The following MMP28 variants were observed in gnomAD, a reference collection of about 807,000 sequenced individuals.
The protein encoded by MMP28 is matrix metallopeptidase 28, also known as matrix metalloproteinase-28.
In MMP28, 55 loss-of-function variants were observed where a neutral mutation model predicts 60.5. The ratio of observed to expected loss-of-function variants is 0.91; its 90% CI spans 0.73 to 1.14. The LOEUF (loss-of-function observed/expected upper bound fraction) is 1.14, where lower values mean the gene tolerates loss of function less well. Ranked by LOEUF, MMP28 falls within the 50% of genes most tolerant of loss-of-function variation. MMP28 has a pLI of 0.00. For missense variants in MMP28, 686 were observed against 738.3 expected (o/e 0.93, Z 0.82); for synonymous variants, 318 against 312.5 (o/e 1.02, Z -0.18).
chr17:35,764,673 T>C, downstream of MMP28: 1 of 1,498,448 alleles, frequency 6.7e-7, no homozygotes, highest in Non-Finnish European at 8.9e-7. Context: ...CCAGACCCCC[T>C]ACCGACCTTC....
At position 35,767,028 on chromosome 17, in the gene MMP28, G is replaced by C. The variant is rs574922566; in HGVS notation, c.1169-134C>G. ...TGGTTGGTATTCATATCAATCAAAC[G>C]GATTGCACTACAAATTAGTTATAAA... On this transcript the variant is annotated intron_variant, in intron 7 of 7. Transcript: ENST00000605424. 75 of 830,252 alleles carry C rather than the reference G, an allele frequency of 9.0e-5. No homozygotes were observed. The African/African-American group carries it at 1.1e-3, about 12-fold the overall frequency. The allele number at this position is 830,252 out of a possible 1,614,324, so 51.4% of individuals were successfully genotyped here. A position where few individuals can be genotyped will look rare whatever the true frequency, so the allele number is the denominator to read the frequency against.
downstream of MMP28, among the ~76,000 whole-genome samples, chr17:35,762,929 T>A (rs1370826757): frequency 6.6e-6 from 1 of 152,084 alleles, no homozygotes; most frequent in African/African-American, 2.4e-5. Context: ...GAGACCATCC[T>A]GGCAAACATG....
chr17:35,764,076 G>C (rs1555602102), downstream of MMP28: 1 of 1,550,270 alleles, frequency 6.5e-7, no homozygotes, highest in Non-Finnish European at 8.7e-7. Flanking sequence ...CAAGAGGAAG[G>C]GAAGGAGGGG....
At chr17:35,779,361 C>G in intron 1 of MMP28, 38 bp from the exon 2 acceptor site, 1 of 1,554,708 alleles carries the variant, frequency 6.4e-7, no homozygotes, top group Non-Finnish European at 8.8e-7. Context: ...TCCATAGCAT[C>G]CTTTCCCCTC....
At chr17:35,777,721 A>G (rs904266891) in intron 3 of MMP28, among the ~76,000 whole-genome samples, 3 of 152,272 alleles carry the variant, frequency 2.0e-5, no homozygotes, top group Non-Finnish European at 2.9e-5. Context: ...AGCAGAGAAA[A>G]TTAGACTTAG....
At chr17:35,791,408 C>T (rs1434669639) in intron 1 of MMP28, among the ~76,000 whole-genome samples, 2 of 151,856 alleles carry the variant, frequency 1.3e-5, no homozygotes, top group Non-Finnish European at 2.9e-5. Context: ...CATGGTGGTG[C>T]GTGTCTGTAG....
At chr17:35,793,915 T>C (rs1306134725) in intron 1 of MMP28, among the ~76,000 whole-genome samples, 2 of 152,096 alleles carry the variant, frequency 1.3e-5, no homozygotes, top group African/African-American at 4.8e-5. Flanking sequence ...CTGGCCAATA[T>C]GGTGAAACCC....
intron 1 of MMP28, among the ~76,000 whole-genome samples, chr17:35,786,056 G>GT (rs34123485): frequency 0.026 from 3,506 of 134,156 alleles, 58 homozygotes; most frequent in African/African-American, 0.048. Flanking sequence ...TCACCTTCTT[G>GT]TTTTTTTTTT....
chr17:35,778,933 T>C lies in MMP28; in HGVS notation c.334A>G (p.Arg112Gly), dbSNP rs1340326070. 1.5e-5 allele frequency: 24 copies of C among 1,613,940 alleles called. No homozygotes were observed. The highest frequency in any genetic ancestry group is 2.0e-5 in the Non-Finnish European group (24 of 1,179,902). ...TTACGCCTCATTTTGGTCCGGTGTC[T>C]AGCAAACAAGTCACTGATCCTCTCA... is the stretch of plus-strand genomic sequence containing the variant. ...WAERISDLFA[R>G]HRTKMRRKKR... The change falls in exon 3 of 8, where the codon AGA becomes GGA. Residue 112 changes from arginine (R) to glycine (G), a missense_variant. Transcript: ENST00000605424.
intron 1 of MMP28, among the ~76,000 whole-genome samples, chr17:35,790,097 C>T (rs143776854): frequency 0.061 from 7,277 of 118,494 alleles, 255 homozygotes; most frequent in South Asian, 0.19. Context: ...GACAGAGTCT[C>T]GCTCTGTTGC....
Position 35,766,775 on chromosome 17 carries a change from G to T in MMP28, c.1288C>A (p.Leu430Ile). ...TAGCGGGCACCCTTGAAGAGGATGA[G>T]GCGGCGCAGAGGAGGGAAGAAGAGG... The part of the protein sequence containing the change: ...AALFFPPLRR[L>I]ILFKGARYYV... The change falls in exon 8 of 8, where the codon CTC becomes ATC. Residue 430 changes from leucine to isoleucine, a missense_variant. Coordinates refer to ENST00000605424, the MANE Select transcript of MMP28 (RefSeq NM_024302.5). This position sits in a 1 kb window ranked among gnomAD's most constrained non-coding sequence, Gnocchi z 4.3. The T allele has an allele frequency of 6.3e-7, 1 of 1,576,646 alleles. No individual in the cohort carries two copies. Among genetic ancestry groups the T allele is most frequent in the East Asian group, 2.3e-5 (1 of 42,918 alleles).
downstream of MMP28, chr17:35,764,729 C>T: frequency 8.2e-7 from 1 of 1,222,972 alleles, no homozygotes; most frequent in Non-Finnish European, 1.1e-6. Context: ...GCAGGACCGC[C>T]CCTTCTCAGC....
chr17:35,785,121 C>A (rs1380036430), intron 1 of MMP28, among the ~76,000 whole-genome samples: 1 of 152,150 alleles, frequency 6.6e-6, no homozygotes, highest in Non-Finnish European at 1.5e-5. Context: ...TGGGACCCAG[C>A]CAGCTTGGTG....
chr17:35,791,906 A>T (rs944241598), intron 1 of MMP28, among the ~76,000 whole-genome samples: 7 of 152,118 alleles, frequency 4.6e-5, no homozygotes, highest in African/African-American at 1.7e-4. Flanking sequence ...CCCCTTCAGT[A>T]TAGCTCCCTC....
intron 6 of MMP28, 67 bp downstream of exon 6, chr17:35,768,163 C>A: frequency 6.6e-7 from 1 of 1,512,190 alleles, no homozygotes; most frequent in South Asian, 1.3e-5. Context: ...ACTTGTACTG[C>A]AGCTCTGGAG....
downstream of MMP28, chr17:35,760,951 C>T (rs782367634): frequency 1.9e-6 from 3 of 1,613,496 alleles, no homozygotes; most frequent in South Asian, 3.3e-5. Flanking sequence ...AATGGATAAG[C>T]ATGGTGAGTG....
downstream of MMP28, chr17:35,764,051 G>A (rs1555602077): frequency 1.3e-6 from 2 of 1,549,698 alleles, no homozygotes; most frequent in Admixed American, 2.0e-5. Flanking sequence ...AGAGCTCCGG[G>A]CCGAGGACGC....
chr17:35,767,646 C>T (rs1464641489), intron 7 of MMP28, 106 bp downstream of exon 7: 1 of 1,342,790 alleles, frequency 7.4e-7, no homozygotes, highest in African/African-American at 1.5e-5. Context: ...GAGACTCCAC[C>T]ATGGACTCGT....
Position 35,778,995 on chromosome 17 carries a change from C to A in MMP28, c.272G>T (p.Cys91Phe). Residue 91 changes from cysteine to phenylalanine, a missense_variant, in exon 3 of 8, where the codon TGC (cysteine) becomes TTC (phenylalanine). Transcript: ENST00000605424. ...ATLRQMTRPR[C>F]GVTDTNSYAA... ...ATAACTGTTGGTATCTGTAACCCCG[C>A]AGCGGGGACGAGTCATCTGGCGCAG... is the stretch of plus-strand genomic sequence containing the variant. The A allele has an allele frequency of 6.2e-7, 1 of 1,614,084 alleles. No homozygotes were observed. The highest frequency in any genetic ancestry group is 1.1e-5 in the South Asian group (1 of 91,084).
Sources: gnomAD v4.1 joint callset for allele counts (sites outside exome capture counted in the v4.1 genomes callset) on GRCh38, gnomAD v4.1.1 for gene constraint, Gnocchi (gnomAD v3.1) non-coding constraint, MANE v1.5 for transcripts, NCBI Gene and HGNC (gene_info 2026-07-23, HGNC 2026-07-21) for gene names.